Variants in CACHD1 observed in about 807,000 individuals in gnomAD.
CACHD1 encodes cache domain containing 1.
In CACHD1, 71 loss-of-function variants were observed where a neutral mutation model predicts 138.7. The observed-to-expected ratio is 0.51, with a 90% CI of 0.42 to 0.62. CACHD1 has a LOEUF of 0.62. CACHD1 is among the 20% of genes least tolerant of loss of function. CACHD1 has a pLI of 0.00. For synonymous variants in CACHD1, 578 were observed against 591.5 expected (o/e 0.98, Z 0.33); for missense variants, 1,389 against 1,625.3 (o/e 0.85, Z 2.50).
chr1:64,470,952 C>T lies in CACHD1; in HGVS notation c.198+10C>T. 1.1e-5 allele frequency: 18 copies of T among 1,590,370 alleles called. No homozygotes were observed. Among genetic ancestry groups the T allele is most frequent in the Non-Finnish European group, 1.4e-5 (16 of 1,167,246 alleles). ...GGTCGTCACCATGCAGGTAAGTGGC[C>T]CCCGAGCTGGCCAGACATCCCGCCT... On this transcript the variant is annotated intron_variant, in intron 1 of 26. Transcript: ENST00000651257. This position sits in a 1 kb window ranked among gnomAD's most constrained non-coding sequence, Gnocchi z 5.2.
At position 64,470,919 on chromosome 1, in the gene CACHD1, G is replaced by A; in HGVS notation, c.175G>A (p.Glu59Lys). The A allele has an allele frequency of 6.2e-7, 1 of 1,606,614 alleles. No individual in the cohort carries two copies. Among genetic ancestry groups the A allele is most frequent in the Non-Finnish European group, 8.5e-7 (1 of 1,176,420 alleles). ...CCAGATGCGGAGGCTGGCGGCCGAG[G>A]AGCTGGGGGTCGTCACCATGCAGGT... ...ASQMRRLAAE[E>K]LGVVTMQRIF... Residue 59 changes from glutamate (E) to lysine (K), a missense_variant, in exon 1 of 27, where the codon GAG (glutamate) becomes AAG (lysine). Coordinates refer to ENST00000651257, the MANE Select transcript of CACHD1 (RefSeq NM_020925.4). This position sits in a 1 kb window ranked among gnomAD's most constrained non-coding sequence, Gnocchi z 5.2.
At chr1:64,485,687 C>T (rs1256187313) in intron 1 of CACHD1, among the ~76,000 whole-genome samples, 1 of 152,082 alleles carries the variant, frequency 6.6e-6, no homozygotes, top group African/African-American at 2.4e-5. Context: ...CTCAAGTGAT[C>T]CTCCCATCTC....
At chr1:64,597,580 T>C (rs1647166207) in intron 3 of CACHD1, among the ~76,000 whole-genome samples, 3 of 150,896 alleles carry the variant, frequency 2.0e-5, no homozygotes, top group Non-Finnish European at 4.4e-5. Context: ...GATGGAGTTA[T>C]TTCTCTTGAA....
chr1:64,586,367 A>C (rs1002238368), intron 3 of CACHD1, among the ~76,000 whole-genome samples: 1 of 152,190 alleles, frequency 6.6e-6, no homozygotes, highest in African/African-American at 2.4e-5. Flanking sequence ...GAGCGACTGC[A>C]CCCAGCTGAC....
At chr1:64,611,702 C>A (rs182036835) in intron 4 of CACHD1, among the ~76,000 whole-genome samples, 23 of 152,342 alleles carry the variant, frequency 1.5e-4, no homozygotes, top group African/African-American at 5.1e-4. Context: ...AGCCATTCAA[C>A]AAGTCTCTAG....
At chr1:64,521,453 GTAACATATA>G (rs1408651197) in intron 1 of CACHD1, among the ~76,000 whole-genome samples, 6 of 152,204 alleles carry the variant, frequency 3.9e-5, no homozygotes, top group Non-Finnish European at 5.9e-5. Flanking sequence ...GCTGTGCCAT[GTAACATATA>G]TAATATGTGG....
intron 1 of CACHD1, among the ~76,000 whole-genome samples, chr1:64,530,281 C>T (rs1188354765): frequency 2.6e-5 from 4 of 152,136 alleles, no homozygotes; most frequent in Non-Finnish European, 2.9e-5. Flanking sequence ...TTGGTTCTAT[C>T]GCCTTATTCC....
chr1:64,556,484 T>C (rs142744527), intron 2 of CACHD1, among the ~76,000 whole-genome samples: 26 of 152,314 alleles, frequency 1.7e-4, no homozygotes, highest in African/African-American at 6.3e-4. Context: ...GAAAATTAGA[T>C]GCCCATGGGT....
intron 10 of CACHD1, among the ~76,000 whole-genome samples, chr1:64,652,609 A>G (rs1649132631): frequency 6.6e-6 from 1 of 152,218 alleles, no homozygotes; most frequent in Non-Finnish European, 1.5e-5. Context: ...TTTTCTAAAG[A>G]AGAAATAATG....
intron 8 of CACHD1, among the ~76,000 whole-genome samples, chr1:64,643,585 C>T (rs1258627236): frequency 6.6e-6 from 1 of 152,046 alleles, no homozygotes; most frequent in Non-Finnish European, 1.5e-5. Flanking sequence ...GCCTGTAATC[C>T]CAGCACTTTG....
chr1:64,543,497 G>T (rs933622599), intron 1 of CACHD1, among the ~76,000 whole-genome samples: 1 of 150,896 alleles, frequency 6.6e-6, no homozygotes. Flanking sequence ...GATCACTTGA[G>T]CCCAGGAATT....
At chr1:64,573,037 G>A (rs1646938375) in intron 2 of CACHD1, among the ~76,000 whole-genome samples, 2 of 152,114 alleles carry the variant, frequency 1.3e-5, no homozygotes, top group Non-Finnish European at 2.9e-5. Context: ...TCATGACAGC[G>A]GCCAGTTGCT....
At chr1:64,683,397 T>C (rs952805834) in intron 26 of CACHD1, among the ~76,000 whole-genome samples, 2 of 152,238 alleles carry the variant, frequency 1.3e-5, no homozygotes, top group African/African-American at 4.8e-5. Flanking sequence ...GGTTTGAGGC[T>C]ACTAAAGTTC....
intron 4 of CACHD1, among the ~76,000 whole-genome samples, chr1:64,615,912 T>C (rs1385154460): frequency 6.6e-6 from 1 of 152,242 alleles, no homozygotes; most frequent in Admixed American, 6.5e-5. Context: ...ACTTTCATTT[T>C]ATTCTTACCA....
intron 1 of CACHD1, among the ~76,000 whole-genome samples, chr1:64,505,535 C>CTCT (rs1646366319): frequency 6.8e-6 from 1 of 146,276 alleles, no homozygotes; most frequent in African/African-American, 2.5e-5. Context: ...TCCCCGCCCC[C>CTCT]GGGCCGCGCC....
intron 1 of CACHD1, among the ~76,000 whole-genome samples, chr1:64,490,663 T>G (rs1442441641): frequency 1.3e-5 from 2 of 152,192 alleles, no homozygotes; most frequent in Non-Finnish European, 2.9e-5. Context: ...CAAAAATAGC[T>G]TGCCTTTTAA....
At chr1:64,647,142 G>A (rs2100671481) in intron 8 of CACHD1, among the ~76,000 whole-genome samples, 1 of 76,422 alleles carries the variant, frequency 1.3e-5, no homozygotes, top group African/African-American at 5.2e-5. Flanking sequence ...ATCCCAGTAT[G>A]CCTAAATTTT....
intron 16 of CACHD1, among the ~76,000 whole-genome samples, chr1:64,670,907 G>A (rs1297765924): frequency 6.6e-6 from 1 of 152,184 alleles, no homozygotes; most frequent in Non-Finnish European, 1.5e-5. Flanking sequence ...GCTGATTCCA[G>A]AGCCAAACAA....
chr1:64,678,167 T>C lies in CACHD1; in HGVS notation c.3101T>C (p.Phe1034Ser). 10 of 1,611,382 alleles carry C rather than the reference T, an allele frequency of 6.2e-6. No homozygotes were observed. Among genetic ancestry groups the C allele is most frequent in the Non-Finnish European group, 7.6e-6 (9 of 1,178,954 alleles). Reference protein sequence around the residue: ...CSQRLESGDCFGVLDCEWCMV... With the variant: ...CSQRLESGDCSGVLDCEWCMV... Reference sequence around the variant, plus strand: ...TATTGTTTTTCTGGCAGGGACTGTTTTGGGGTGCTGGATTGTGAATGGTGC... The same window carrying C: ...TATTGTTTTTCTGGCAGGGACTGTTCTGGGGTGCTGGATTGTGAATGGTGC... The change falls in exon 23 of 27, where the codon TTT (phenylalanine) becomes TCT (serine). Residue 1034 changes from phenylalanine to serine, a missense_variant. Physicochemically the swap from Phe to Ser is radical, Grantham distance 155 (BLOSUM62 -2). Transcript: ENST00000651257.
Sources: allele counts gnomAD v4.1 joint callset (sites outside exome capture counted in the v4.1 genomes callset), GRCh38; gene constraint gnomAD v4.1.1; non-coding constraint Gnocchi (gnomAD v3.1); transcripts MANE v1.5; gene names NCBI Gene and HGNC (gene_info 2026-07-23, HGNC 2026-07-21).